GRM1: variants seen among roughly 807,000 people sequenced by gnomAD.
GRM1 encodes glutamate metabotropic receptor 1.
A neutral mutation model predicts 90.9 loss-of-function variants in GRM1; 33 were observed. The observed-to-expected ratio is 0.36, with a 90% confidence interval of 0.28 to 0.49. The LOEUF (loss-of-function observed/expected upper bound fraction) is 0.49. Among genes scored for constraint, GRM1 ranks in the 20% least tolerant of loss-of-function variants. GRM1 has a pLI of 0.99. For missense variants in GRM1, 1,190 were observed against 1,534.3 expected (o/e 0.78, Z 3.75); for synonymous variants, 700 against 613.2 (o/e 1.14, Z -2.09).
intron 1 of GRM1, among the ~76,000 whole-genome samples, chr6:146,038,187 A>T (rs1790962013): frequency 6.6e-6 from 1 of 151,938 alleles, no homozygotes. Context: ...TGCCTTCTCT[A>T]TGAGGGTTGT....
At chr6:146,031,179 A>G (rs917406909) in intron 1 of GRM1, among the ~76,000 whole-genome samples, 1 of 152,152 alleles carries the variant, frequency 6.6e-6, no homozygotes, top group Non-Finnish European at 1.5e-5. Context: ...GGTTATATAC[A>G]TTTTTTAATA....
intron 1 of GRM1, among the ~76,000 whole-genome samples, chr6:146,129,331 G>A (rs1562481530): frequency 6.6e-6 from 1 of 152,108 alleles, no homozygotes; most frequent in African/African-American, 2.4e-5. Context: ...TACTATCTAG[G>A]ATATATGGCC....
At chr6:146,051,999 C>T (rs1442351707) in intron 1 of GRM1, among the ~76,000 whole-genome samples, 1 of 152,170 alleles carries the variant, frequency 6.6e-6, no homozygotes, top group East Asian at 1.9e-4. Flanking sequence ...TTGTAACTTT[C>T]TCGAGAGTAG....
At chr6:146,189,228 T>G (rs1778848300) in intron 2 of GRM1, among the ~76,000 whole-genome samples, 1 of 152,172 alleles carries the variant, frequency 6.6e-6, no homozygotes, top group Non-Finnish European at 1.5e-5. Flanking sequence ...AGCCTTAAGA[T>G]CCTTGATCTG....
intron 2 of GRM1, among the ~76,000 whole-genome samples, chr6:146,214,618 G>A (rs1417259980): frequency 6.6e-6 from 1 of 152,174 alleles, no homozygotes; most frequent in East Asian, 1.9e-4. Flanking sequence ...TCATAATTAA[G>A]TAGGGGGTGG....
intron 1 of GRM1, among the ~76,000 whole-genome samples, chr6:146,155,077 C>T (rs1562496977): frequency 6.6e-6 from 1 of 152,104 alleles, no homozygotes; most frequent in Non-Finnish European, 1.5e-5. Flanking sequence ...ATTTAAGTAT[C>T]TGGAACTATC....
rs750265154 is a variant in GRM1, at chr6:146,213,684, T to TTAGATAGATAGATAGA, written c.950+54125_950+54140dup. Among the ~76,000 whole-genome samples, 306 of 146,430 alleles carry TTAGATAGATAGATAGA rather than the reference T, an allele frequency of 2.1e-3. 2 individuals are homozygous for TTAGATAGATAGATAGA. Among genetic ancestry groups the TTAGATAGATAGATAGA allele is most frequent in the East Asian group, 5.1e-3 (25 of 4,898 alleles). ...GGAGATAGATAGATAGATGGAAAGA[T>TTAGATAGATAGATAGA]TAGATAGATAGATAGATAGATAGAT... On this transcript the variant is annotated intron_variant, in intron 2 of 7. Transcript: ENST00000282753.
intron 5 of GRM1, among the ~76,000 whole-genome samples, chr6:146,365,822 C>T (rs1353613506): frequency 2.6e-5 from 4 of 152,232 alleles, no homozygotes; most frequent in East Asian, 1.9e-4. Context: ...CCTATCAGGA[C>T]GAGGACCAGA....
intron 1 of GRM1, among the ~76,000 whole-genome samples, chr6:146,090,138 T>C (rs539532529): frequency 1.6e-4 from 24 of 152,258 alleles, no homozygotes; most frequent in Middle Eastern, 3.4e-3. Flanking sequence ...TGTGTGAAGC[T>C]ATAGTAGACC....
chr6:146,224,878 T>TTAGTA (rs1205335739), intron 2 of GRM1, among the ~76,000 whole-genome samples: 1 of 152,124 alleles, frequency 6.6e-6, no homozygotes, highest in Non-Finnish European at 1.5e-5. Flanking sequence ...CACTGGTCAG[T>TTAGTA]TAGTATCAAT....
chr6:146,111,225 A>G (rs1775546344), intron 1 of GRM1, among the ~76,000 whole-genome samples: 1 of 152,202 alleles, frequency 6.6e-6, no homozygotes, highest in Admixed American at 6.5e-5. Flanking sequence ...TGGAGATAAG[A>G]TTTTATGGGG....
At chr6:146,292,042 A>T (rs1783004955) in intron 2 of GRM1, among the ~76,000 whole-genome samples, 2 of 152,008 alleles carry the variant, frequency 1.3e-5, no homozygotes, top group African/African-American at 4.8e-5. Context: ...AGAAGCCAAG[A>T]TCATTCCATG....
intron 5 of GRM1, among the ~76,000 whole-genome samples, chr6:146,381,107 C>T (rs988944285): frequency 6.6e-5 from 10 of 152,164 alleles, no homozygotes; most frequent in Admixed American, 2.6e-4. Context: ...GTGATGCCAG[C>T]GTTCCCTTAG....
rs137937405 is a variant in GRM1, at chr6:146,079,380, G to C, written c.700+49163G>C. ...AGAAGGCCATCTCCATTGAGTGCAA[G>C]AGAGGAAAGGGTTAAAGTAAAAAGG... On this transcript the variant is annotated intron_variant, in intron 1 of 7. Coordinates refer to ENST00000282753, the MANE Select transcript of GRM1 (RefSeq NM_001278064.2). Among the ~76,000 whole-genome samples, 147 of 152,308 alleles carry C rather than the reference G, an allele frequency of 9.7e-4. 3 individuals carry two copies. Among genetic ancestry groups the C allele is most frequent in the Middle Eastern group, 6.8e-3 (2 of 294 alleles).
At chr6:146,240,209 G>C (rs75261199) in intron 2 of GRM1, among the ~76,000 whole-genome samples, 3 of 151,914 alleles carry the variant, frequency 2.0e-5, no homozygotes, top group Non-Finnish European at 4.4e-5. Flanking sequence ...ATGTAGAACC[G>C]TACAGGATAC....
At position 146,183,513 on chromosome 6, in the gene GRM1, A is replaced by G. The variant is rs528361859; in HGVS notation, c.950+23916A>G. ...AGATATATTAACTGATAACACAGTA[A>G]AGTAAAAATGGTAGTTACTAGTCCT... On this transcript the variant is annotated intron_variant, in intron 2 of 7. Transcript: ENST00000282753. Among the ~76,000 whole-genome samples, 3 of 152,296 alleles carry G rather than the reference A, an allele frequency of 2.0e-5. No homozygotes were observed. The East Asian group carries it at 5.8e-4, about 29-fold the overall frequency.
intron 2 of GRM1, among the ~76,000 whole-genome samples, chr6:146,176,958 C>T (rs147201363): frequency 1.5e-3 from 229 of 152,118 alleles, no homozygotes; most frequent in African/African-American, 5.1e-3. Flanking sequence ...AGGGCTATTG[C>T]GACCTTTATG....
chr6:146,107,385 A>G (rs1583011532), intron 1 of GRM1, among the ~76,000 whole-genome samples: 1 of 151,180 alleles, frequency 6.6e-6, no homozygotes, highest in Middle Eastern at 3.4e-3. Context: ...TGGTTTTAAC[A>G]TTCCTTGACT....
At chr6:146,429,326 C>T (rs1025672665) in intron 7 of GRM1, among the ~76,000 whole-genome samples, 2 of 152,052 alleles carry the variant, frequency 1.3e-5, no homozygotes, top group South Asian at 2.1e-4. Flanking sequence ...GTCAAAAAGG[C>T]GAGAAATTGT....
Sources: allele counts gnomAD v4.1 joint callset (sites outside exome capture counted in the v4.1 genomes callset), GRCh38; gene constraint gnomAD v4.1.1; transcripts MANE v1.5; gene names NCBI Gene and HGNC (gene_info 2026-07-23, HGNC 2026-07-21).